The following F2R variants were observed in gnomAD, a reference collection of about 807,000 sequenced individuals.
F2R encodes coagulation factor II thrombin receptor.
Under a neutral mutation model 18.3 loss-of-function variants are expected in F2R, and 12 were observed. The ratio of observed to expected loss-of-function variants is 0.66; its 90% CI spans 0.42 to 1.06. The LOEUF is 1.06. F2R is among the 50% of genes least tolerant of loss of function. F2R has a pLI of 0.00. For missense variants in F2R, 438 were observed against 530.8 expected (o/e 0.83, Z 1.72); for synonymous variants, 210 against 219.9 (o/e 0.95, Z 0.40).
Position 76,735,122 on chromosome 5 carries a change from T to C in F2R, c.*1619T>C, listed in dbSNP as rs1239917039. 6.6e-6 allele frequency: 1 copy of C among 151,420 alleles called. No homozygotes were observed. The highest frequency in any genetic ancestry group is 1.9e-4 in the East Asian group (1 of 5,336). 9.4% of individuals were successfully genotyped at this position (151,420 alleles called of 1,614,324 possible). A position where few individuals can be genotyped will look rare whatever the true frequency, so the allele number is the denominator to read the frequency against. On this transcript the variant is annotated 3_prime_UTR_variant, in exon 2 of 2. Transcript: ENST00000319211. ...AAATTAGGTTGAAACATATCTCTTA[T>C]CTTACGAAAAAATGGTAGCATTTTA...
Position 76,732,865 on chromosome 5 carries a change from C to A in F2R, c.640C>A (p.Arg214Ser), listed in dbSNP as rs752508356. 10 of 1,614,066 alleles carry A rather than the reference C, an allele frequency of 6.2e-6. No individual in the cohort carries two copies. Among genetic ancestry groups the A allele is most frequent in the Non-Finnish European group, 8.5e-6 (10 of 1,180,050 alleles). Residue 214 changes from arginine to serine, a missense_variant, in exon 2 of 2, where the codon CGT (arginine) becomes AGT (serine). Physicochemically the swap from Arg to Ser is moderately radical, Grantham distance 110 (BLOSUM62 -1). Coordinates refer to ENST00000319211, the MANE Select transcript of F2R (RefSeq NM_001992.5). ...GTATCCCATGCAGTCCCTCTCCTGG[C>A]GTACTCTGGGAAGGGCTTCCTTCAC... ...VVYPMQSLSW[R>S]TLGRASFTCL... is the part of the protein sequence containing the mutation.
intron 1 of F2R, among the ~76,000 whole-genome samples, chr5:76,728,417 G>A (rs979142154): frequency 7.2e-5 from 11 of 152,022 alleles, no homozygotes; most frequent in African/African-American, 2.2e-4. Flanking sequence ...AACTGTTTTC[G>A]ATTCCACATA....
rs1000197474 is a variant in F2R, at chr5:76,734,293, G to A, written c.*790G>A. ...CTGAGAGCTGCATGTGTCCGCCCCC[G>A]ATGGAGGACTCCAGGCAGCAGACAC... On this transcript the variant is annotated 3_prime_UTR_variant, in exon 2 of 2. Coordinates refer to ENST00000319211, the MANE Select transcript of F2R (RefSeq NM_001992.5). The A allele has an allele frequency of 4.6e-5, 7 of 152,306 alleles. No homozygotes were observed. The highest frequency in any genetic ancestry group is 3.9e-4 in the Admixed American group (6 of 15,268). 9.4% of individuals were successfully genotyped at this position (152,306 alleles called of 1,614,324 possible).
chr5:76,723,352 T>G (rs1748501470), intron 1 of F2R, among the ~76,000 whole-genome samples: 1 of 152,224 alleles, frequency 6.6e-6, no homozygotes, highest in African/African-American at 2.4e-5. Context: ...CGTGGAGTGG[T>G]CAAAAGGTAT....
intron 1 of F2R, among the ~76,000 whole-genome samples, chr5:76,718,928 A>G (rs1748391637): frequency 6.6e-6 from 1 of 152,062 alleles, no homozygotes; most frequent in South Asian, 2.1e-4. Flanking sequence ...TCTGGCATGG[A>G]ATGAAGTGCT....
chr5:76,733,649 CA>C lies in F2R; in HGVS notation c.*148del. ...CATACCTGCTTTTTATGGGAGCTGT[CA>C]AGCATGTATTTTTGTCAATTACCAG... is the stretch of plus-strand genomic sequence containing the variant. On this transcript the variant is annotated 3_prime_UTR_variant, in exon 2 of 2. Coordinates refer to ENST00000319211, the MANE Select transcript of F2R (RefSeq NM_001992.5). 1.6e-6 allele frequency: 1 copy of C among 641,796 alleles called. No individual in the cohort carries two copies. The highest frequency in any genetic ancestry group is 2.6e-6 in the Non-Finnish European group (1 of 381,228). The allele number at this position is 641,796 out of a possible 1,614,324, so 39.8% of individuals were successfully genotyped here.
Position 76,732,610 on chromosome 5 carries a change from C to T in F2R, c.385C>T (p.Leu129=), listed in dbSNP as rs5895. The T allele has an allele frequency of 2.6e-5, 42 of 1,614,180 alleles. 2 individuals carry two copies. The African/African-American group carries it at 4.1e-4, about 16-fold the overall frequency. Residue 129 remains leucine (L), a synonymous_variant, in exon 2 of 2, where the codon CTG becomes TTG. Coordinates refer to ENST00000319211, the MANE Select transcript of F2R (RefSeq NM_001992.5). ...CATCATGGCCATCGTTGTGTTCATCCTGAAAATGAAGGTCAAGAAGCCGGC... is the reference window on the plus strand; with the variant it reads ...CATCATGGCCATCGTTGTGTTCATCTTGAAAATGAAGGTCAAGAAGCCGGC... ...LNIMAIVVFI[L]KMKVKKPAVV...
At chr5:76,728,966 C>T (rs533069212) in intron 1 of F2R, among the ~76,000 whole-genome samples, 4 of 152,358 alleles carry the variant, frequency 2.6e-5, no homozygotes, top group African/African-American at 9.6e-5. Flanking sequence ...GCTGGGATTA[C>T]AGGCGTGAGC....
In F2R at chr5:76,726,592, T is replaced by C. The variant is rs568559283; in HGVS notation, c.89-5722T>C. ...GGTGCGTGCTTGTAATCCCAGCTACTTGGGAGGCTGAGGCAGGAGGATTGC... is the reference window on the plus strand; with the variant it reads ...GGTGCGTGCTTGTAATCCCAGCTACCTGGGAGGCTGAGGCAGGAGGATTGC... On this transcript the variant is annotated intron_variant, in intron 1 of 1. Coordinates refer to ENST00000319211, the MANE Select transcript of F2R (RefSeq NM_001992.5). 4.0e-5 allele frequency among the ~76,000 whole-genome samples: 6 copies of C among 151,870 alleles called. No individual in the cohort carries two copies. In the South Asian group the frequency reaches 6.2e-4, roughly 16 times the overall value.
chr5:76,727,786 G>A lies in F2R; in HGVS notation c.89-4528G>A, dbSNP rs540123902. ...TTCTTTTTTTTTTTTTTTGCACATG[G>A]TTGTAATACATTCTTCAAAATCCTT... On this transcript the variant is annotated intron_variant, in intron 1 of 1. Coordinates refer to ENST00000319211, the MANE Select transcript of F2R (RefSeq NM_001992.5). Among the ~76,000 whole-genome samples the A allele has an allele frequency of 4.1e-5, 6 of 144,932 alleles. No individual in the cohort carries two copies. In the East Asian group the frequency reaches 1.2e-3, roughly 29 times the overall value.
intron 1 of F2R, among the ~76,000 whole-genome samples, chr5:76,720,964 GCC>G (rs1748441044): frequency 6.6e-6 from 1 of 152,028 alleles, no homozygotes; most frequent in South Asian, 2.1e-4. Flanking sequence ...CTGCCACCAC[GCC>G]TGGCTAATTT....
At chr5:76,720,178 A>G (rs536201340) in intron 1 of F2R, among the ~76,000 whole-genome samples, 1 of 152,220 alleles carries the variant, frequency 6.6e-6, no homozygotes, top group South Asian at 2.1e-4. Flanking sequence ...GTCTGGGTGC[A>G]GTGGCTCACA....
intron 1 of F2R, among the ~76,000 whole-genome samples, chr5:76,719,839 G>A (rs37246): frequency 0.77 from 117,546 of 152,128 alleles, 45,698 homozygotes; most frequent in African/African-American, 0.86. Flanking sequence ...GGTATTTAGT[G>A]AGCATTTATG....
rs1748699427 is a variant in F2R, at chr5:76,732,909, T to C, written c.684T>C (p.Ala228=). 12 of 1,614,164 alleles carry C rather than the reference T, an allele frequency of 7.4e-6. No individual in the cohort carries two copies. The highest frequency in any genetic ancestry group is 1.0e-5 in the Non-Finnish European group (12 of 1,180,042). Residue 228 remains alanine, a synonymous_variant, in exon 2 of 2, where the codon GCT becomes GCC. Coordinates refer to ENST00000319211, the MANE Select transcript of F2R (RefSeq NM_001992.5). ...CCTTCACTTGTCTGGCCATCTGGGC[T>C]TTGGCCATCGCAGGGGTAGTGCCTC... ...RASFTCLAIW[A]LAIAGVVPLL... is the part of the protein sequence containing the mutation.
chr5:76,723,299 T>G (rs1006527442), intron 1 of F2R, among the ~76,000 whole-genome samples: 1 of 152,210 alleles, frequency 6.6e-6, no homozygotes, highest in Non-Finnish European at 1.5e-5. Flanking sequence ...TGGTACTCTT[T>G]TAGAAGTAGG....
At chr5:76,732,238 G>A (rs1040691014) in intron 1 of F2R, 76 bp from the exon 2 acceptor site, 15 of 1,139,204 alleles carry the variant, frequency 1.3e-5, no homozygotes, top group Non-Finnish European at 1.6e-5. Context: ...AGTAAAATAT[G>A]CTCTCTGCTT....
intron 1 of F2R, among the ~76,000 whole-genome samples, chr5:76,717,770 A>T (rs567507630): frequency 6.6e-6 from 1 of 152,262 alleles, no homozygotes; most frequent in Non-Finnish European, 1.5e-5. Flanking sequence ...TTTGTTTGAG[A>T]TTTGGATCAT....
chr5:76,728,795 A>G (rs1278098976), intron 1 of F2R, among the ~76,000 whole-genome samples: 4 of 150,358 alleles, frequency 2.7e-5, no homozygotes, highest in Non-Finnish European at 5.9e-5. Flanking sequence ...CGTTCAAGCA[A>G]TTCTCCTGCC....
rs566717570 is a variant in F2R, at chr5:76,718,656, T to C, written c.88+2261T>C. 2.0e-5 allele frequency among the ~76,000 whole-genome samples: 3 copies of C among 152,364 alleles called. No individual in the cohort carries two copies. In the South Asian group the frequency reaches 6.2e-4, roughly 32 times the overall value. On this transcript the variant is annotated intron_variant, in intron 1 of 1. Coordinates refer to ENST00000319211, the MANE Select transcript of F2R (RefSeq NM_001992.5). ...AAGTTTTATTTATCCCCATGGTGAC[T>C]AAAACAAATGTTCACTCAGCAGATA...
Sources: allele counts gnomAD v4.1 joint callset (sites outside exome capture counted in the v4.1 genomes callset), GRCh38; gene constraint gnomAD v4.1.1; transcripts MANE v1.5; gene names NCBI Gene and HGNC (gene_info 2026-07-23, HGNC 2026-07-21).